ZNF121: variants seen among roughly 807,000 people sequenced by gnomAD.
ZNF121 encodes the protein zinc finger protein 121 (clone ZHC32).
ZNF121 carries 1 observed loss-of-function variant against 2.4 expected under a neutral mutation model. That is an observed-to-expected ratio of 0.41 (90% CI 0.15 to 1.94). The LOEUF (loss-of-function observed/expected upper bound fraction) is 1.94. Ranked by LOEUF, ZNF121 falls within the 30% of genes most tolerant of loss-of-function variation. The pLI, the probability that ZNF121 is intolerant of heterozygous loss-of-function variation, is 0.30. For synonymous variants in ZNF121, 173 were observed against 158.6 expected, an observed-to-expected ratio of 1.09 and a Z score of -0.68; for missense variants, 369 against 466.3, an observed-to-expected ratio of 0.79 and a Z score of 1.92.
intron 1 of ZNF121, among the ~76,000 whole-genome samples, chr19:9,574,487 G>C (rs1255549166): frequency 6.6e-6 from 1 of 152,066 alleles, no homozygotes; most frequent in Non-Finnish European, 1.5e-5. Flanking sequence ...TCTGCAGAAA[G>C]GGTACACTCC....
In ZNF121 at chr19:9,563,973, T is replaced by C. The variant is rs981232672; in HGVS notation, c.*1967A>G. The stretch of plus-strand genomic sequence containing the variant: ...TGAACCTACTAACCAAGAGCTCTTA[T>C]GGAGGTATAAACAAGATTGGCGTTT... On this transcript the variant is annotated 3_prime_UTR_variant, in exon 4 of 4. Coordinates refer to ENST00000320451, the MANE Select transcript of ZNF121 (RefSeq NM_001008727.5). 2.0e-5 allele frequency: 3 copies of C among 152,190 alleles called. No homozygotes were observed. Among genetic ancestry groups the C allele is most frequent in the Admixed American group, 6.5e-5 (1 of 15,272 alleles). The allele number at this position is 152,190 out of a possible 1,614,324, so 9.4% of individuals were successfully genotyped here. A position where few individuals can be genotyped will look rare whatever the true frequency, so the allele number is the denominator to read the frequency against.
Position 9,565,922 on chromosome 19 carries a change from T to C in ZNF121, c.*18A>G, listed in dbSNP as rs1412513512. 6.6e-7 allele frequency: 1 copy of C among 1,504,560 alleles called. No individual in the cohort carries two copies. Among genetic ancestry groups the C allele is most frequent in the East Asian group, 2.3e-5 (1 of 43,740 alleles). 93.2% of individuals were successfully genotyped at this position (1,504,560 alleles called of 1,614,324 possible). On this transcript the variant is annotated 3_prime_UTR_variant, in exon 4 of 4. Transcript: ENST00000320451. Reference sequence around the variant, plus strand: ...ATTCCTAAAAGATTTCCACATTCCTTACATTCAGAGTTTTTCTTCAGTGTG... The same window carrying C: ...ATTCCTAAAAGATTTCCACATTCCTCACATTCAGAGTTTTTCTTCAGTGTG...
intron 3 of ZNF121, chr19:9,567,792 T>C (rs1362154641): frequency 3.6e-6 from 1 of 277,986 alleles, no homozygotes; most frequent in Non-Finnish European, 7.2e-6. Flanking sequence ...ACAGTAAGGT[T>C]TGTGCTTCTA....
chr19:9,583,782 G>A (rs1394360172), intron 1 of ZNF121, among the ~76,000 whole-genome samples: 2 of 152,170 alleles, frequency 1.3e-5, no homozygotes, highest in East Asian at 3.9e-4. Context: ...TGGGACTACA[G>A]GCGTGAGCCA....
intron 1 of ZNF121, among the ~76,000 whole-genome samples, chr19:9,571,473 C>G (rs1484249576): frequency 6.6e-6 from 1 of 152,158 alleles, no homozygotes; most frequent in African/African-American, 2.4e-5. Flanking sequence ...AATGCCTTTA[C>G]TAGATAAATC....
chr19:9,576,209 A>G (rs1355839578), intron 1 of ZNF121, among the ~76,000 whole-genome samples: 1 of 152,140 alleles, frequency 6.6e-6, no homozygotes, highest in Non-Finnish European at 1.5e-5. Flanking sequence ...ACCTTGATTC[A>G]CAGGCTCAAA....
rs1038562575 is a variant in ZNF121, at chr19:9,565,103, T to G, written c.*837A>C. 6.6e-6 allele frequency: 1 copy of G among 152,128 alleles called. No homozygotes were observed. Among genetic ancestry groups the G allele is most frequent in the Non-Finnish European group, 1.5e-5 (1 of 68,024 alleles). The allele number at this position is 152,128 out of a possible 1,614,324, so 9.4% of individuals were successfully genotyped here. On this transcript the variant is annotated 3_prime_UTR_variant, in exon 4 of 4. Transcript: ENST00000320451. ...AACCAAAACATTTGTATGATTCATG[T>G]TATTGTGATATTCACTTTATAGTGG...
At chr19:9,583,744 A>T (rs924196738) in intron 1 of ZNF121, among the ~76,000 whole-genome samples, 8 of 152,084 alleles carry the variant, frequency 5.3e-5, no homozygotes, top group Non-Finnish European at 1.0e-4. Flanking sequence ...ACCTCAGGTG[A>T]TCTGCCCGCC....
intron 1 of ZNF121, among the ~76,000 whole-genome samples, chr19:9,581,502 T>G (rs1346243372): frequency 6.6e-6 from 1 of 152,060 alleles, no homozygotes; most frequent in East Asian, 1.9e-4. Flanking sequence ...CTGATAACGC[T>G]TTGTACTGTG....
rs1030465082 is a variant in ZNF121 at position 9,568,183 on chromosome 19, A to G, written c.-78-8T>C. Reference sequence around the variant, plus strand: ...TGGTTTTAACTTGCCATTCTGAAGTAAAACAGAAAAAAAGAAAAAAAAATA... The same window carrying G: ...TGGTTTTAACTTGCCATTCTGAAGTGAAACAGAAAAAAAGAAAAAAAAATA... On this transcript the variant is annotated splice_region_variant and splice_polypyrimidine_tract_variant and intron_variant, in intron 2 of 3. Coordinates refer to ENST00000320451, the MANE Select transcript of ZNF121 (RefSeq NM_001008727.5). 1.4e-6 allele frequency: 2 copies of G among 1,389,498 alleles called. No individual in the cohort carries two copies. The highest frequency in any genetic ancestry group is 1.9e-6 in the Non-Finnish European group (2 of 1,030,422). 86.1% of individuals were successfully genotyped at this position (1,389,498 alleles called of 1,614,324 possible).
rs558834777 is a variant in ZNF121 at position 9,568,559 on chromosome 19, G to A, written c.-78-384C>T. Among the ~76,000 whole-genome samples the A allele has an allele frequency of 2.4e-3, 361 of 152,080 alleles. 3 individuals are homozygous for A. Among genetic ancestry groups the A allele is most frequent in the South Asian group, 0.01 (50 of 4,808 alleles). ...CCGGCTAATTTTTGTATTTTTAGTA[G>A]AGACGGGGTTTCTCCATGTTGGCCA... On this transcript the variant is annotated intron_variant, in intron 2 of 3. Coordinates refer to ENST00000320451, the MANE Select transcript of ZNF121 (RefSeq NM_001008727.5).
At chr19:9,567,950 G>C in intron 3 of ZNF121, 145 bp downstream of exon 3, 1 of 860,870 alleles carries the variant, frequency 1.2e-6, no homozygotes. Flanking sequence ...AACAGAAACA[G>C]TACCAGTGGG....
At chr19:9,573,963 C>T (rs1272640849) in intron 1 of ZNF121, among the ~76,000 whole-genome samples, 1 of 151,956 alleles carries the variant, frequency 6.6e-6, no homozygotes, top group Non-Finnish European at 1.5e-5. Context: ...ACTCTCACAT[C>T]AGCCTCCCAA....
chr19:9,580,849 C>G (rs770994258), intron 1 of ZNF121, among the ~76,000 whole-genome samples: 1 of 152,214 alleles, frequency 6.6e-6, no homozygotes, highest in South Asian at 2.1e-4. Flanking sequence ...TGCAGATTAA[C>G]TGTTTCTCTT....
At position 9,568,118 on chromosome 19, in the gene ZNF121, T is replaced by C. The variant is rs371059140; in HGVS notation, c.-21A>G. On this transcript the variant is annotated 5_prime_UTR_variant, in exon 3 of 4. Transcript: ENST00000320451. The stretch of plus-strand genomic sequence containing the variant: ...ACCATTTGTATGCCGTTTGATGTTT[T>C]GTTAAGCCAAAAAAAAATGTTGTTG... 5.8e-6 allele frequency: 9 copies of C among 1,541,478 alleles called. No individual in the cohort carries two copies. The highest frequency in any genetic ancestry group is 1.7e-4 in the Middle Eastern group (1 of 5,744).
intron 1 of ZNF121, among the ~76,000 whole-genome samples, chr19:9,575,680 T>C (rs1490335274): frequency 6.6e-6 from 1 of 151,596 alleles, no homozygotes; most frequent in Non-Finnish European, 1.5e-5. Context: ...GAGATGGAGG[T>C]TGCAGTGAGC....
intron 1 of ZNF121, among the ~76,000 whole-genome samples, chr19:9,571,119 T>C (rs1265629732): frequency 3.9e-5 from 6 of 152,184 alleles, no homozygotes; most frequent in Non-Finnish European, 7.3e-5. Flanking sequence ...ACAAAATATA[T>C]GTTAGGCATT....
chr19:9,562,429 G>T lies in ZNF121; in HGVS notation c.*3511C>A, dbSNP rs2074105898. On this transcript the variant is annotated 3_prime_UTR_variant, in exon 4 of 4. Transcript: ENST00000320451. ...TTCACTCACCTCAGCCTCTCAAGGTGCTGGGATTACAGGTGTGAGCCACCG... is the reference window on the plus strand; with the variant it reads ...TTCACTCACCTCAGCCTCTCAAGGTTCTGGGATTACAGGTGTGAGCCACCG... The T allele has an allele frequency of 3.3e-6, 1 of 301,308 alleles. No homozygotes were observed. The highest frequency in any genetic ancestry group is 7.4e-6 in the Non-Finnish European group (1 of 135,754). 18.7% of individuals were successfully genotyped at this position (301,308 alleles called of 1,614,324 possible). A position where few individuals can be genotyped will look rare whatever the true frequency, so the allele number is the denominator to read the frequency against.
intron 1 of ZNF121, among the ~76,000 whole-genome samples, chr19:9,581,493 T>A (rs1326182302): frequency 6.6e-6 from 1 of 152,122 alleles, no homozygotes; most frequent in South Asian, 2.1e-4. Context: ...GAGCTGGTAC[T>A]GATAACGCTT....
Sources: allele counts gnomAD v4.1 joint callset (sites outside exome capture counted in the v4.1 genomes callset), GRCh38; gene constraint gnomAD v4.1.1; transcripts MANE v1.5; gene names NCBI Gene and HGNC (gene_info 2026-07-23, HGNC 2026-07-21).